GTPBP10: variants seen among roughly 807,000 people sequenced by gnomAD.
GTPBP10 encodes GTP-binding protein 10.
Under a neutral mutation model 44.8 loss-of-function variants are expected in GTPBP10, and 38 were observed. The ratio of observed to expected loss-of-function variants is 0.85; its 90% CI spans 0.65 to 1.11. GTPBP10 has a LOEUF of 1.11. Ranked by LOEUF, GTPBP10 falls within the 50% of genes most tolerant of loss-of-function variation. The probability of loss-of-function intolerance (pLI) is 0.00; values close to 1 mark genes in which losing one functional copy is unlikely to be tolerated. For missense variants in GTPBP10, 462 were observed against 453.7 expected (o/e 1.02, Z -0.17); for synonymous variants, 152 against 150.6 (o/e 1.01, Z -0.07).
Position 90,346,741 on chromosome 7 carries a change from C to T in GTPBP10, c.-1C>T, listed in dbSNP as rs146961068. The T allele has an allele frequency of 1.1e-3, 1,702 of 1,614,122 alleles. 22 individuals carry two copies. Among genetic ancestry groups the T allele is most frequent in the Admixed American group, 4.8e-4 (29 of 60,010 alleles). On this transcript the variant is annotated 5_prime_UTR_variant, in exon 1 of 10. Coordinates refer to ENST00000222511, the MANE Select transcript of GTPBP10 (RefSeq NM_033107.4). ...AGAAGGTTTCCTGGCCTGTTGCAGC[C>T]ATGGTGCATTGCAGTTGCGTGTTGT...
chr7:90,362,016 T>C, intron 4 of GTPBP10, among the ~76,000 whole-genome samples: 1 of 152,220 alleles, frequency 6.6e-6, no homozygotes, highest in Admixed American at 6.5e-5. Flanking sequence ...TTGATTCTTC[T>C]CTCTTTTCCT....
At chr7:90,379,828 C>T (rs1796403701) in intron 8 of GTPBP10, among the ~76,000 whole-genome samples, 1 of 152,154 alleles carries the variant, frequency 6.6e-6, no homozygotes, top group African/African-American at 2.4e-5. Flanking sequence ...AATGTCAACA[C>T]TTGTTATTGT....
chr7:90,360,928 C>CTCTCTGTTTATCTGTTATTGGTGTA (rs1796006268), intron 4 of GTPBP10, among the ~76,000 whole-genome samples: 1 of 152,100 alleles, frequency 6.6e-6, no homozygotes, highest in Admixed American at 6.6e-5. Flanking sequence ...CATGATTTGG[C>CTCTCTGTTTATCTGTTATTGGTGTA]TCTCTGTTTA....
chr7:90,378,194 A>G lies in GTPBP10; in HGVS notation c.760A>G (p.Ile254Val). ...HTQYRTAFETIILLTKELELY... is the reference protein window; with the variant it reads ...HTQYRTAFETVILLTKELELY... ...TCAATACAGGACAGCTTTTGAAACC[A>G]TAATACTGCTTACAAAAGTAGGTTT... The change falls in exon 8 of 10, where the codon ATA becomes GTA. Residue 254 changes from isoleucine (I) to valine (V), a missense_variant. Transcript: ENST00000222511. 1.2e-6 allele frequency: 2 copies of G among 1,612,874 alleles called. No individual in the cohort carries two copies. Among genetic ancestry groups the G allele is most frequent in the East Asian group, 2.2e-5 (1 of 44,728 alleles).
intron 4 of GTPBP10, among the ~76,000 whole-genome samples, chr7:90,359,810 T>A (rs1795976955): frequency 6.6e-6 from 1 of 152,198 alleles, no homozygotes; most frequent in African/African-American, 2.4e-5. Context: ...ACCTGTTGTT[T>A]CCTGACTTTT....
At chr7:90,383,709 T>C (rs1254144433) in intron 9 of GTPBP10, 3 of 152,202 alleles carry the variant, frequency 2.0e-5, no homozygotes, top group Non-Finnish European at 2.9e-5. Context: ...CAGAACACCT[T>C]CTATCCTATG....
At chr7:90,359,711 C>G (rs373520068) in intron 4 of GTPBP10, among the ~76,000 whole-genome samples, 1 of 152,158 alleles carries the variant, frequency 6.6e-6, no homozygotes, top group Non-Finnish European at 1.5e-5. Flanking sequence ...CTTGAGGAAT[C>G]GCCACGCTGT....
At chr7:90,363,129 T>G (rs1439613746) in intron 4 of GTPBP10, among the ~76,000 whole-genome samples, 2 of 152,230 alleles carry the variant, frequency 1.3e-5, no homozygotes, top group African/African-American at 4.8e-5. Flanking sequence ...ATTTAGCCCA[T>G]TTACATTTAA....
intron 1 of GTPBP10, among the ~76,000 whole-genome samples, chr7:90,349,332 A>G (rs1317709007): frequency 6.6e-6 from 1 of 152,114 alleles, no homozygotes; most frequent in Admixed American, 6.6e-5. Context: ...CGACCCCGTG[A>G]TCTAGAGGCT....
chr7:90,356,233 T>C (rs1316023385), intron 4 of GTPBP10, among the ~76,000 whole-genome samples: 1 of 152,182 alleles, frequency 6.6e-6, no homozygotes, highest in Admixed American at 6.5e-5. Context: ...TGGTTTAGGG[T>C]TCACAGAGGC....
intron 4 of GTPBP10, among the ~76,000 whole-genome samples, chr7:90,365,820 A>T (rs1796123579): frequency 6.6e-6 from 1 of 152,220 alleles, no homozygotes; most frequent in African/African-American, 2.4e-5. Context: ...GAGTGGTAAG[A>T]GAGGGCATCC....
At chr7:90,378,542 C>G (rs1335155166) in intron 8 of GTPBP10, among the ~76,000 whole-genome samples, 4 of 152,130 alleles carry the variant, frequency 2.6e-5, no homozygotes, top group Non-Finnish European at 4.4e-5. Context: ...TCTACTCTTA[C>G]ACTATTTCTC....
chr7:90,375,412 A>G (rs1796328145), intron 6 of GTPBP10, among the ~76,000 whole-genome samples: 1 of 152,190 alleles, frequency 6.6e-6, no homozygotes. Context: ...GCAACAATGT[A>G]AAGTATAGAC....
intron 4 of GTPBP10, among the ~76,000 whole-genome samples, chr7:90,363,099 C>G (rs1584634856): frequency 2.6e-5 from 4 of 152,280 alleles, no homozygotes; most frequent in Admixed American, 2.6e-4. Context: ...ATTTGCCAGT[C>G]TGTGTCTTTT....
intron 4 of GTPBP10, among the ~76,000 whole-genome samples, chr7:90,357,117 C>T (rs1419393579): frequency 6.6e-6 from 1 of 152,142 alleles, no homozygotes; most frequent in East Asian, 1.9e-4. Flanking sequence ...GTACAACTAA[C>T]AGATTTGTGC....
At chr7:90,359,454 C>G (rs1166246372) in intron 4 of GTPBP10, among the ~76,000 whole-genome samples, 2 of 152,158 alleles carry the variant, frequency 1.3e-5, no homozygotes, top group Non-Finnish European at 2.9e-5. Context: ...ATCCATGTCC[C>G]TGCAAAGGAC....
At chr7:90,359,459 A>G (rs182770217) in intron 4 of GTPBP10, among the ~76,000 whole-genome samples, 106 of 152,268 alleles carry the variant, frequency 7.0e-4, no homozygotes, top group African/African-American at 2.4e-3. Flanking sequence ...TGTCCCTGCA[A>G]AGGACATGAA....
At chr7:90,354,792 T>C (rs1366630755) in intron 3 of GTPBP10, among the ~76,000 whole-genome samples, 2 of 152,192 alleles carry the variant, frequency 1.3e-5, no homozygotes, top group African/African-American at 2.4e-5. Flanking sequence ...AATTGTTTAC[T>C]GAAGTGTTTT....
Position 90,361,446 on chromosome 7 carries a change from C to T in GTPBP10, c.464+6216C>T, listed in dbSNP as rs187256481. Among the ~76,000 whole-genome samples the T allele has an allele frequency of 4.9e-3, 746 of 152,224 alleles. 7 individuals carry two copies. Among genetic ancestry groups the T allele is most frequent in the South Asian group, 0.027 (130 of 4,824 alleles). On this transcript the variant is annotated intron_variant, in intron 4 of 9. Coordinates refer to ENST00000222511, the MANE Select transcript of GTPBP10 (RefSeq NM_033107.4). ...ATGCTGGATTACATTTATTGCTTTG[C>T]GTATGTTGAACCAGCCTTGCATCCC...
Sources: gnomAD v4.1 joint callset for allele counts (sites outside exome capture counted in the v4.1 genomes callset) on GRCh38, gnomAD v4.1.1 for gene constraint, MANE v1.5 for transcripts, NCBI Gene and HGNC (gene_info 2026-07-23, HGNC 2026-07-21) for gene names.